CPSF2: variants seen among roughly 807,000 people sequenced by gnomAD.
CPSF2 encodes the protein cleavage and polyadenylation specific factor 2.
In CPSF2, 51 loss-of-function variants were observed where a neutral mutation model predicts 84.2. The ratio of observed to expected loss-of-function variants is 0.61; its 90% CI spans 0.48 to 0.77. The LOEUF (loss-of-function observed/expected upper bound fraction) is 0.77, where lower values mean the gene tolerates loss of function less well. CPSF2 is among the 30% of genes least tolerant of loss of function. CPSF2 has a pLI of 0.00. For synonymous variants in CPSF2, 286 were observed against 311.9 expected (o/e 0.92, Z 0.87); for missense variants, 641 against 929.4 (o/e 0.69, Z 4.03).
intron 1 of CPSF2, among the ~76,000 whole-genome samples, chr14:92,123,437 C>T (rs554855387): frequency 5.3e-5 from 8 of 151,196 alleles, no homozygotes; most frequent in African/African-American, 1.9e-4. Flanking sequence ...TCGCTCTGTC[C>T]ACCCAGGCTG....
At chr14:92,156,057 A>C (rs1262701434) in intron 11 of CPSF2, among the ~76,000 whole-genome samples, 1 of 152,186 alleles carries the variant, frequency 6.6e-6, no homozygotes, top group African/African-American at 2.4e-5. Flanking sequence ...TGGGAGGCCG[A>C]GGCAGGTGGA....
intron 5 of CPSF2, among the ~76,000 whole-genome samples, chr14:92,134,745 A>G (rs1164013885): frequency 6.6e-6 from 1 of 152,208 alleles, no homozygotes; most frequent in Non-Finnish European, 1.5e-5. Flanking sequence ...GTAGATAATG[A>G]ATTCTAGCAT....
intron 3 of CPSF2, among the ~76,000 whole-genome samples, chr14:92,132,774 A>G (rs1567017458): frequency 6.6e-6 from 1 of 150,584 alleles, no homozygotes; most frequent in Non-Finnish European, 1.5e-5. Flanking sequence ...CTCCGTCTCA[A>G]AAAAAAAACA....
chr14:92,123,850 T>C (rs1474101054), intron 1 of CPSF2, among the ~76,000 whole-genome samples: 1 of 152,220 alleles, frequency 6.6e-6, no homozygotes, highest in Non-Finnish European at 1.5e-5. Context: ...ACCACTGAAG[T>C]TGGTATTGGA....
intron 15 of CPSF2, 82 bp downstream of exon 15, chr14:92,161,328 G>A: frequency 6.9e-7 from 1 of 1,451,980 alleles, no homozygotes; most frequent in Non-Finnish European, 9.2e-7. Flanking sequence ...TTCTTGTTTG[G>A]TATTTTCACA....
Position 92,156,631 on chromosome 14 carries a change from A to C in CPSF2, c.1595A>C (p.Lys532Thr), listed in dbSNP as rs144528379. ...CISTTESIEI[K>T]ARVTYIDYEG... Reference sequence around the variant, plus strand: ...TCTACAACAGAGTCTATTGAAATAAAGTAAGTGCTTTTGTGACATTTTGAA... The same window carrying C: ...TCTACAACAGAGTCTATTGAAATAACGTAAGTGCTTTTGTGACATTTTGAA... The change falls in exon 12 of 16, where the codon AAA becomes ACA. Residue 532 changes from lysine to threonine, a missense_variant and splice_region_variant. By Grantham distance (78) the Lys-to-Thr change is moderately conservative. Coordinates refer to ENST00000298875, the MANE Select transcript of CPSF2 (RefSeq NM_017437.3). The C allele has an allele frequency of 2.6e-6, 4 of 1,540,484 alleles. No homozygotes were observed. In the African/African-American group the frequency reaches 5.5e-5, roughly 21 times the overall value.
intron 8 of CPSF2, 78 bp downstream of exon 8, chr14:92,142,429 T>C (rs942724367): frequency 8.9e-7 from 1 of 1,125,756 alleles, no homozygotes; most frequent in East Asian, 2.4e-5. Flanking sequence ...TAAATGTTTT[T>C]TGGATTTTAT....
chr14:92,150,365 A>G (rs1595062619), intron 9 of CPSF2, among the ~76,000 whole-genome samples: 1 of 150,696 alleles, frequency 6.6e-6, no homozygotes, highest in Non-Finnish European at 1.5e-5. Flanking sequence ...CAGGCGATCC[A>G]CCTGCCTCGG....
At chr14:92,136,422 T>C (rs2068999648) in intron 6 of CPSF2, among the ~76,000 whole-genome samples, 1 of 152,094 alleles carries the variant, frequency 6.6e-6, no homozygotes, top group Non-Finnish European at 1.5e-5. Context: ...ACGCAGAAAA[T>C]TGGCAAACTG....
chr14:92,157,339 C>T lies in CPSF2; in HGVS notation c.1596-320C>T, dbSNP rs927857739. ...CCTGGCCAACATGGTGAAATCTCAT[C>T]TCTACTGAAAATGCAAAATTATCCC... is the stretch of plus-strand genomic sequence containing the variant. On this transcript the variant is annotated intron_variant, in intron 12 of 15. Coordinates refer to ENST00000298875, the MANE Select transcript of CPSF2 (RefSeq NM_017437.3). The surrounding 1 kb of genome is among the most constrained non-coding windows in gnomAD (Gnocchi z 4.0). Among the ~76,000 whole-genome samples, 6 of 152,074 alleles carry T rather than the reference C, an allele frequency of 3.9e-5. No homozygotes were observed. Among genetic ancestry groups the T allele is most frequent in the Non-Finnish European group, 8.8e-5 (6 of 68,018 alleles).
At chr14:92,133,432 T>C (rs1371882369) in intron 3 of CPSF2, among the ~76,000 whole-genome samples, 1 of 115,708 alleles carries the variant, frequency 8.6e-6, no homozygotes, top group East Asian at 8.7e-4. Flanking sequence ...AAAAAGAAAA[T>C]CAAGTTACTT....
intron 5 of CPSF2, among the ~76,000 whole-genome samples, 178 bp from the exon 6 acceptor site, chr14:92,135,189 G>T (rs1413940128): frequency 6.6e-6 from 1 of 152,196 alleles, no homozygotes; most frequent in African/African-American, 2.4e-5. Context: ...TCTAGTGAGG[G>T]AGTGGAGTAG....
chr14:92,140,914 A>G (rs2069070211), intron 7 of CPSF2, among the ~76,000 whole-genome samples: 1 of 152,110 alleles, frequency 6.6e-6, no homozygotes, highest in African/African-American at 2.4e-5. Flanking sequence ...ACCCTGTCTC[A>G]ACAAACAAAC....
At position 92,168,025 on chromosome 14, in the gene CPSF2, T is replaced by A. The variant is rs2069472668; in HGVS notation, c.*6281T>A. 1 of 150,842 alleles carries A rather than the reference T, an allele frequency of 6.6e-6. No homozygotes were observed. Among genetic ancestry groups the A allele is most frequent in the Non-Finnish European group, 1.5e-5 (1 of 67,714 alleles). 9.3% of individuals were successfully genotyped at this position (150,842 alleles called of 1,614,324 possible). ...ACTTTGGGAGGCCGAGGCGGGTGGA[T>A]CATCTGAGGTCAGGAGTTCCAGACC... On this transcript the variant is annotated 3_prime_UTR_variant, in exon 16 of 16. Coordinates refer to ENST00000298875, the MANE Select transcript of CPSF2 (RefSeq NM_017437.3).
chr14:92,132,160 G>A (rs2068940562), intron 3 of CPSF2, among the ~76,000 whole-genome samples: 1 of 151,730 alleles, frequency 6.6e-6, no homozygotes, highest in South Asian at 2.1e-4. Flanking sequence ...TTGAGATGGA[G>A]TTTCACTTCT....
In CPSF2 at chr14:92,164,803, C is replaced by G. The variant is rs2069422073; in HGVS notation, c.*3059C>G. 6.6e-6 allele frequency: 1 copy of G among 152,148 alleles called. No individual in the cohort carries two copies. The highest frequency in any genetic ancestry group is 6.5e-5 in the Admixed American group (1 of 15,268). 9.4% of individuals were successfully genotyped at this position (152,148 alleles called of 1,614,324 possible). ...TTCAACTTACATACCATAAAGTTCA[C>G]TCTTCTAAAGTGTACAATTCATTGG... On this transcript the variant is annotated 3_prime_UTR_variant, in exon 16 of 16. Coordinates refer to ENST00000298875, the MANE Select transcript of CPSF2 (RefSeq NM_017437.3).
intron 9 of CPSF2, among the ~76,000 whole-genome samples, chr14:92,152,728 C>T (rs938756918): frequency 1.3e-5 from 2 of 152,206 alleles, no homozygotes; most frequent in African/African-American, 4.8e-5. Context: ...TATAAGCCAC[C>T]ATGCCCTGCT....
chr14:92,153,830 G>A (rs1326321288), intron 9 of CPSF2, among the ~76,000 whole-genome samples: 7 of 148,582 alleles, frequency 4.7e-5, no homozygotes, highest in Non-Finnish European at 1.0e-4. Flanking sequence ...AACCACCTGA[G>A]TAGCGGGGAC....
chr14:92,127,389 A>G (rs1260399483), intron 2 of CPSF2, among the ~76,000 whole-genome samples: 1 of 152,226 alleles, frequency 6.6e-6, no homozygotes, highest in East Asian at 1.9e-4. Context: ...TTTGAGAAAT[A>G]TAATGAGTTG....
Sources: gnomAD v4.1 joint callset for allele counts (sites outside exome capture counted in the v4.1 genomes callset) on GRCh38, gnomAD v4.1.1 for gene constraint, Gnocchi (gnomAD v3.1) non-coding constraint, MANE v1.5 for transcripts, NCBI Gene and HGNC (gene_info 2026-07-23, HGNC 2026-07-21) for gene names.